Variants in PEPD observed in about 807,000 individuals in gnomAD.
The protein encoded by PEPD is xaa-Pro dipeptidase.
Under a neutral mutation model 60.7 loss-of-function variants are expected in PEPD, and 53 were observed. The observed-to-expected ratio is 0.87, with a 90% confidence interval of 0.70 to 1.10. The LOEUF is 1.10. Among genes scored for constraint, PEPD ranks in the 50% least tolerant of loss-of-function variants. The pLI is 0.00. For synonymous variants in PEPD, 267 were observed against 284.1 expected, an observed-to-expected ratio of 0.94 and a Z score of 0.60; for missense variants, 711 against 711.9, an observed-to-expected ratio of 1.00 and a Z score of 0.01.
intron 9 of PEPD, among the ~76,000 whole-genome samples, chr19:33,457,895 G>A (rs1203750062): frequency 6.6e-6 from 1 of 152,258 alleles, no homozygotes; most frequent in African/African-American, 2.4e-5. Flanking sequence ...TAACAAGAAT[G>A]CAGCAAGGAT....
intron 1 of PEPD, among the ~76,000 whole-genome samples, chr19:33,513,627 G>C (rs1355206163): frequency 6.6e-6 from 1 of 152,156 alleles, no homozygotes; most frequent in Non-Finnish European, 1.5e-5. Context: ...CCTTCTGCCA[G>C]AAGGGCCCTT....
chr19:33,480,813 C>CGTGTGTGTGTGTGTGTGTGTGT (rs67751032), intron 6 of PEPD, among the ~76,000 whole-genome samples: 1 of 127,748 alleles, frequency 7.8e-6, no homozygotes, highest in African/African-American at 3.3e-5. Context: ...ATATATATAG[C>CGTGTGTGTGTGTGTGTGTGTGT]GTGTGTGTGT....
At chr19:33,474,858 G>C (rs181626677) in intron 7 of PEPD, among the ~76,000 whole-genome samples, 42 of 151,696 alleles carry the variant, frequency 2.8e-4, no homozygotes, top group African/African-American at 9.4e-4. Flanking sequence ...CGTGTACCTG[G>C]AGTCACAGCT....
chr19:33,514,815 A>G (rs1970996290), intron 1 of PEPD, among the ~76,000 whole-genome samples: 2 of 151,630 alleles, frequency 1.3e-5, no homozygotes, highest in African/African-American at 2.4e-5. Context: ...GTTTCTGACC[A>G]GGTTCCCCAC....
intron 9 of PEPD, among the ~76,000 whole-genome samples, chr19:33,450,458 G>A (rs1426200012): frequency 6.6e-6 from 1 of 152,206 alleles, no homozygotes; most frequent in African/African-American, 2.4e-5. Context: ...AAGATCTCTG[G>A]CAACAAAGGA....
intron 9 of PEPD, among the ~76,000 whole-genome samples, chr19:33,462,443 A>G (rs1479407887): frequency 1.3e-5 from 2 of 152,100 alleles, no homozygotes; most frequent in East Asian, 3.9e-4. Flanking sequence ...CAGCACACTG[A>G]CTTCTGGGTC....
In PEPD at chr19:33,391,325, A is replaced by G. The variant is rs370399053; in HGVS notation, c.1122T>C (p.Ile374=). 9 of 1,611,930 alleles carry G rather than the reference A, an allele frequency of 5.6e-6. No individual in the cohort carries two copies. The highest frequency in any genetic ancestry group is 4.0e-5 in the African/African-American group (3 of 74,910). The change falls in exon 13 of 15, where the codon ATT becomes ATC. Residue 374 remains isoleucine, a synonymous_variant. Transcript: ENST00000244137. The part of the protein sequence containing the change: ...MPHGLGHFLG[I]DVHDVGGYPE... ...GGTAGCCTCCCACGTCGTGCACGTC[A>G]ATGCCCAGGAAGTGGCCAAGCCCGT...
chr19:33,413,509 C>T (rs950515643), intron 10 of PEPD, 66 bp downstream of exon 10: 2 of 864,042 alleles, frequency 2.3e-6, no homozygotes, highest in Non-Finnish European at 3.8e-6. Context: ...GTGGAGCCCC[C>T]CACTCACTAA....
intron 5 of PEPD, 75 bp from the exon 6 acceptor site, chr19:33,490,132 G>C (rs975508433): frequency 9.9e-7 from 1 of 1,008,430 alleles, no homozygotes. Context: ...GAGGCCTCCA[G>C]CTAGGCTCAG....
chr19:33,390,963 G>A (rs559502280), intron 13 of PEPD, among the ~76,000 whole-genome samples: 20 of 152,252 alleles, frequency 1.3e-4, no homozygotes, highest in Admixed American at 3.3e-4. Flanking sequence ...GCTCCATCAC[G>A]AAGACCTGTC....
chr19:33,451,314 G>A (rs1345756), intron 9 of PEPD, among the ~76,000 whole-genome samples: 63,885 of 152,070 alleles, frequency 0.42, 14,288 homozygotes, highest in African/African-American at 0.58. Flanking sequence ...AAATTTTCTA[G>A]TTTTTTAAGG....
chr19:33,440,279 A>T (rs1166625753), intron 9 of PEPD, among the ~76,000 whole-genome samples: 1 of 152,206 alleles, frequency 6.6e-6, no homozygotes, highest in Middle Eastern at 3.4e-3. Flanking sequence ...CCCTGGAGTC[A>T]TCCTGGACTC....
chr19:33,429,769 G>A (rs1364594201), intron 9 of PEPD, among the ~76,000 whole-genome samples: 1 of 152,146 alleles, frequency 6.6e-6, no homozygotes, highest in African/African-American at 2.4e-5. Flanking sequence ...AGTACAAAGA[G>A]CCCAATTACA....
intron 13 of PEPD, among the ~76,000 whole-genome samples, chr19:33,389,988 G>A (rs1968175855): frequency 6.6e-6 from 1 of 152,278 alleles, no homozygotes; most frequent in Non-Finnish European, 1.5e-5. Flanking sequence ...CTTCAGGGGT[G>A]GGGAGGGGTC....
intron 9 of PEPD, among the ~76,000 whole-genome samples, chr19:33,458,909 G>A (rs149681286): frequency 1.6e-5 from 2 of 123,260 alleles, no homozygotes; most frequent in Non-Finnish European, 3.1e-5. Flanking sequence ...CTGGTTGGGG[G>A]AGACCCTCAG....
intron 9 of PEPD, among the ~76,000 whole-genome samples, chr19:33,425,343 A>G (rs949918629): frequency 1.3e-5 from 2 of 149,392 alleles, no homozygotes; most frequent in Non-Finnish European, 3.0e-5. Flanking sequence ...CCAGAGTGGC[A>G]GATGATCCTA....
At chr19:33,429,157 C>T (rs1969218214) in intron 9 of PEPD, among the ~76,000 whole-genome samples, 1 of 152,056 alleles carries the variant, frequency 6.6e-6, no homozygotes, top group Non-Finnish European at 1.5e-5. Context: ...TCAGAGGGGG[C>T]AGAGTTGGGC....
At chr19:33,446,874 C>G (rs144276676) in intron 9 of PEPD, among the ~76,000 whole-genome samples, 1 of 152,226 alleles carries the variant, frequency 6.6e-6, no homozygotes, top group African/African-American at 2.4e-5. Context: ...GCAGGCCCCA[C>G]GAAGGGCATC....
intron 9 of PEPD, among the ~76,000 whole-genome samples, chr19:33,414,769 G>A (rs1490077013): frequency 1.3e-5 from 2 of 152,246 alleles, no homozygotes; most frequent in Non-Finnish European, 2.9e-5. Context: ...CAGTTGTTAT[G>A]CAGGAACGGC....
Sources: gnomAD v4.1 joint callset for allele counts (sites outside exome capture counted in the v4.1 genomes callset) on GRCh38, gnomAD v4.1.1 for gene constraint, MANE v1.5 for transcripts, NCBI Gene and HGNC (gene_info 2026-07-23, HGNC 2026-07-21) for gene names.